CC2D2A: variants seen among roughly 807,000 people sequenced by gnomAD.
CC2D2A encodes the protein coiled-coil and C2 domain containing 2A, also known as coiled-coil and C2 domain-containing protein 2A.
Under a neutral mutation model 212.9 loss-of-function variants are expected in CC2D2A, and 155 were observed. The ratio of observed to expected loss-of-function variants is 0.73; its 90% CI spans 0.64 to 0.83. The LOEUF (loss-of-function observed/expected upper bound fraction) is 0.83, where lower values mean the gene tolerates loss of function less well. Among genes scored for constraint, CC2D2A ranks in the 40% least tolerant of loss-of-function variants. The pLI is 0.00. For missense variants in CC2D2A, 1,856 were observed against 1,956.2 expected (o/e 0.95, Z 0.97); for synonymous variants, 667 against 686.5 (o/e 0.97, Z 0.44).
intron 33 of CC2D2A, among the ~76,000 whole-genome samples, chr4:15,592,711 T>C (rs1721164694): frequency 6.6e-6 from 1 of 152,210 alleles, no homozygotes; most frequent in Non-Finnish European, 1.5e-5. Context: ...CCTATTATTA[T>C]TAATTGTGGC....
chr4:15,472,494 C>T (rs938238292), intron 1 of CC2D2A, among the ~76,000 whole-genome samples: 1 of 152,038 alleles, frequency 6.6e-6, no homozygotes, highest in African/African-American at 2.4e-5. Context: ...ATTTGATTTC[C>T]TTAGAAACTC....
At chr4:15,527,384 A>C in intron 11 of CC2D2A, 63 bp from the exon 12 acceptor site, 4 of 1,234,940 alleles carry the variant, frequency 3.2e-6, no homozygotes, top group Non-Finnish European at 4.6e-6. Flanking sequence ...ATTGTGGATT[A>C]GAGAATCATT....
rs374554530 is a variant in CC2D2A at position 15,514,740 on chromosome 4, G to T, written c.751G>T (p.Glu251Ter). The T allele has an allele frequency of 6.2e-7, 1 of 1,602,944 alleles. No homozygotes were observed. Among genetic ancestry groups the T allele is most frequent in the South Asian group, 1.1e-5 (1 of 89,928 alleles). Residue 251 changes from glutamate (E) to a stop codon, truncating the protein, a stop_gained, in exon 9 of 37, where the codon GAG becomes TAG. Coordinates refer to ENST00000424120, the MANE Select transcript of CC2D2A (RefSeq NM_001378615.1). LOFTEE classifies it high-confidence loss of function. ...EEELLNGDDA[E>*]DFLLGLDHVA... Reference sequence around the variant, plus strand: ...AGAACTGCTTAATGGTGATGATGCCGAGGACTTCCTATTGGGCTTAGATCA... The same window carrying T: ...AGAACTGCTTAATGGTGATGATGCCTAGGACTTCCTATTGGGCTTAGATCA...
At chr4:15,517,222 C>T (rs966088606) in intron 11 of CC2D2A, among the ~76,000 whole-genome samples, 2 of 151,936 alleles carry the variant, frequency 1.3e-5, no homozygotes, top group African/African-American at 4.8e-5. Context: ...GCTGGGATTA[C>T]AGGTGTGAGC....
chr4:15,600,973 G>A (rs1721566621), intron 36 of CC2D2A, among the ~76,000 whole-genome samples: 1 of 151,780 alleles, frequency 6.6e-6, no homozygotes, highest in African/African-American at 2.4e-5. Flanking sequence ...AATTACAATG[G>A]TTACGATGCA....
chr4:15,588,100 G>C (rs1158215896), intron 32 of CC2D2A, among the ~76,000 whole-genome samples, 171 bp downstream of exon 32: 1 of 152,126 alleles, frequency 6.6e-6, no homozygotes, highest in East Asian at 1.9e-4. Flanking sequence ...ACATGAAATG[G>C]TTTTCAGTGG....
At chr4:15,566,309 C>CA (rs1268761072) in intron 24 of CC2D2A, among the ~76,000 whole-genome samples, 1 of 152,036 alleles carries the variant, frequency 6.6e-6, no homozygotes, top group Non-Finnish European at 1.5e-5. Flanking sequence ...CCTTGCCTGA[C>CA]ATGTGTAGCT....
At position 15,579,857 on chromosome 4, in the gene CC2D2A, G is replaced by A. The variant is rs1720579112; in HGVS notation, c.3772-111G>A. On this transcript the variant is annotated intron_variant, in intron 29 of 36. Transcript: ENST00000424120. ...CCAGGACATGACAGCTTTGTAAGGA[G>A]TCAGTCATATTCCCAAACCATACAT... The A allele has an allele frequency of 6.2e-6, 5 of 803,040 alleles. No homozygotes were observed. In the Admixed American group the frequency reaches 1.1e-4, roughly 18 times the overall value. The allele number at this position is 803,040 out of a possible 1,614,324, so 49.7% of individuals were successfully genotyped here. A position where few individuals can be genotyped will look rare whatever the true frequency, so the allele number is the denominator to read the frequency against.
intron 17 of CC2D2A, among the ~76,000 whole-genome samples, chr4:15,544,600 G>A (rs187612584): frequency 6.6e-6 from 1 of 152,276 alleles, no homozygotes; most frequent in African/African-American, 2.4e-5. Context: ...CTCCACTGAT[G>A]GGTGAGAGCT....
chr4:15,557,439 G>T lies in CC2D2A; in HGVS notation c.2761G>T (p.Val921Leu). The T allele has an allele frequency of 1.2e-6, 2 of 1,613,186 alleles. No individual in the cohort carries two copies. The highest frequency in any genetic ancestry group is 1.7e-6 in the Non-Finnish European group (2 of 1,179,590). Residue 921 changes from valine (V) to leucine (L), a missense_variant, in exon 21 of 37, where the codon GTG becomes TTG. Physicochemically the swap from Val to Leu is conservative, Grantham distance 32. Around this residue, in one of 5 missense-constraint regions of CC2D2A, gnomAD observed 1,512 missense variants for 1,579.3 expected, o/e 0.96. Coordinates refer to ENST00000424120, the MANE Select transcript of CC2D2A (RefSeq NM_001378615.1). ...FRLLHLRSQE[V>L]PEFRNYKQVP... ...GCTTCTTCATCTTAGAAGCCAAGAG[G>T]TGCCAGAATTCCGAAATTATAAGCA...
chr4:15,565,295 A>G (rs1719830048), intron 24 of CC2D2A, among the ~76,000 whole-genome samples: 2 of 152,194 alleles, frequency 1.3e-5, no homozygotes, highest in Non-Finnish European at 2.9e-5. Context: ...TTGATCCTAC[A>G]TGCTACACAT....
chr4:15,570,359 G>A (rs1720098995), intron 27 of CC2D2A, 39 bp from the exon 28 acceptor site: 1 of 1,255,822 alleles, frequency 8.0e-7, no homozygotes, highest in Non-Finnish European at 1.1e-6. Flanking sequence ...TGAGTTTCTG[G>A]AGTTCTTAAG....
chr4:15,561,373 A>C (rs905835491), intron 23 of CC2D2A, among the ~76,000 whole-genome samples: 1 of 152,156 alleles, frequency 6.6e-6, no homozygotes, highest in African/African-American at 2.4e-5. Flanking sequence ...GGAGACAAAA[A>C]AAATGTGCAA....
At chr4:15,567,543 A>G (rs769197038) in intron 25 of CC2D2A, 61 bp downstream of exon 25, 73 of 1,443,496 alleles carry the variant, frequency 5.1e-5, no homozygotes, top group Non-Finnish European at 6.7e-5. Flanking sequence ...AAATGACTGT[A>G]AACTTCATGG....
intron 29 of CC2D2A, among the ~76,000 whole-genome samples, chr4:15,574,856 A>C (rs927761836): frequency 6.6e-6 from 1 of 152,208 alleles, no homozygotes; most frequent in African/African-American, 2.4e-5. Context: ...GCTCTAGAAA[A>C]GAGTTTCCAG....
chr4:15,503,718 T>C (rs1169548547), intron 6 of CC2D2A, among the ~76,000 whole-genome samples: 4 of 152,232 alleles, frequency 2.6e-5, no homozygotes. Flanking sequence ...GGAAGCAGTC[T>C]GAATGCACTA....
chr4:15,519,937 A>C (rs1717110712), intron 11 of CC2D2A: 1 of 236,908 alleles, frequency 4.2e-6, no homozygotes, highest in Admixed American at 4.9e-5. Context: ...GTGTAATTTT[A>C]AATTTGTAAC....
Position 15,514,863 on chromosome 4 carries a change from C to T in CC2D2A, c.874C>T (p.Gln292Ter). ...AGAAATGCTCTTCATACCCAGTAGG[C>T]AGACAGGTACTTGCTCTTTTTATTT... ...EREMLFIPSR[Q>*]TVPTYKKLPE... The change falls in exon 9 of 37, where the codon CAG (glutamine) becomes TAG (stop). Residue 292 changes from glutamine (Q) to a stop codon, truncating the protein, a stop_gained. Transcript: ENST00000424120. LOFTEE classifies it high-confidence loss of function. The T allele has an allele frequency of 6.2e-7, 1 of 1,613,218 alleles. No individual in the cohort carries two copies. Among genetic ancestry groups the T allele is most frequent in the Non-Finnish European group, 8.5e-7 (1 of 1,179,362 alleles).
At chr4:15,570,844 C>T (rs1199228247) in intron 28 of CC2D2A, among the ~76,000 whole-genome samples, 3 of 152,004 alleles carry the variant, frequency 2.0e-5, no homozygotes, top group Non-Finnish European at 2.9e-5. Flanking sequence ...GCCAAGATCG[C>T]GCCATTGCAC....
Sources: allele counts gnomAD v4.1 joint callset (sites outside exome capture counted in the v4.1 genomes callset), GRCh38; gene constraint gnomAD v4.1.1; regional missense constraint gnomAD v4.1.1; transcripts MANE v1.5; gene names NCBI Gene and HGNC (gene_info 2026-07-23, HGNC 2026-07-21).